DLG2: variants seen among roughly 807,000 people sequenced by gnomAD.
The protein encoded by DLG2 is discs large MAGUK scaffold protein 2.
A neutral mutation model predicts 132.5 loss-of-function variants in DLG2; 45 were observed. The observed-to-expected ratio is 0.34, with a 90% CI of 0.27 to 0.44. The LOEUF (loss-of-function observed/expected upper bound fraction) is 0.44, where lower values mean the gene tolerates loss of function less well. Among genes scored for constraint, DLG2 ranks in the 20% least tolerant of loss-of-function variants. The probability of loss-of-function intolerance (pLI) is 1.00; values close to 1 mark genes in which losing one functional copy is unlikely to be tolerated. For synonymous variants in DLG2, 424 were observed against 419.6 expected (o/e 1.01, Z -0.13); for missense variants, 1,045 against 1,196.9 (o/e 0.87, Z 1.87).
intron 16 of DLG2, among the ~76,000 whole-genome samples, chr11:83,857,182 G>T (rs978996418): frequency 6.6e-6 from 1 of 152,102 alleles, no homozygotes; most frequent in Non-Finnish European, 1.5e-5. Flanking sequence ...ATTGGTCTAT[G>T]TGTCTGTTTT....
rs746212831 is a variant in DLG2, at chr11:83,915,357, T to C, written c.1496+14971A>G. On this transcript the variant is annotated intron_variant, in intron 15 of 27. Transcript: ENST00000376104. ...TTAGTTTTATGTAATGGAATGATGA[T>C]TGTAGTGTAGCAAAAGCAAACAAAA... Among the ~76,000 whole-genome samples, 25 of 152,264 alleles carry C rather than the reference T, an allele frequency of 1.6e-4. No individual in the cohort carries two copies. The South Asian group carries it at 1.7e-3, about 10-fold the overall frequency.
intron 2 of DLG2, among the ~76,000 whole-genome samples, chr11:85,621,262 C>T (rs187751860): frequency 6.6e-6 from 1 of 151,710 alleles, no homozygotes; most frequent in East Asian, 1.9e-4. Flanking sequence ...TACTCATTGA[C>T]AATGCACCTA....
At chr11:84,640,077 G>A (rs2099654216) in intron 6 of DLG2, 1 of 309,642 alleles carries the variant, frequency 3.2e-6, no homozygotes, top group Admixed American at 3.8e-5. Context: ...TATTGTGAAG[G>A]GCCCCAGAGG....
intron 3 of DLG2, among the ~76,000 whole-genome samples, chr11:85,380,592 G>A (rs571216464): frequency 1.2e-4 from 18 of 152,288 alleles, no homozygotes; most frequent in South Asian, 6.2e-4. Context: ...CCTAGGAGGC[G>A]GAGGTTGCGG....
intron 3 of DLG2, among the ~76,000 whole-genome samples, chr11:85,595,773 TTTTAC>T (rs1486586292): frequency 1.3e-5 from 2 of 152,206 alleles, no homozygotes; most frequent in Non-Finnish European, 2.9e-5. Context: ...TTTTATATGA[TTTTAC>T]TTTATTTTCA....
intron 21 of DLG2, among the ~76,000 whole-genome samples, chr11:83,518,835 G>T (rs919678624): frequency 6.6e-6 from 1 of 152,060 alleles, no homozygotes; most frequent in East Asian, 1.9e-4. Context: ...GAGAATTAAC[G>T]ATAAATAAAT....
chr11:85,021,919 A>G (rs1174430642), intron 6 of DLG2, among the ~76,000 whole-genome samples: 1 of 152,192 alleles, frequency 6.6e-6, no homozygotes, highest in Admixed American at 6.6e-5. Context: ...AAAAATTAGT[A>G]TATATTAAAA....
chr11:84,489,629 C>G (rs181974437), intron 7 of DLG2, among the ~76,000 whole-genome samples: 177 of 152,152 alleles, frequency 1.2e-3, no homozygotes, highest in African/African-American at 4.2e-3. Context: ...CAAAGCAAAA[C>G]GCTGGCTCCA....
chr11:83,858,587 C>T (rs114323842), intron 16 of DLG2, among the ~76,000 whole-genome samples: 2,388 of 152,234 alleles, frequency 0.016, 19 homozygotes, highest in Middle Eastern at 0.11. Context: ...AGGAGGTGGA[C>T]ATTATAATAT....
chr11:83,965,941 T>G (rs2090086873), intron 12 of DLG2, among the ~76,000 whole-genome samples: 4 of 152,064 alleles, frequency 2.6e-5, no homozygotes, highest in Admixed American at 2.6e-4. Context: ...AGCAGCAATG[T>G]AGTTTAACAA....
At chr11:84,407,635 C>A (rs1029028877) in intron 7 of DLG2, among the ~76,000 whole-genome samples, 4 of 152,178 alleles carry the variant, frequency 2.6e-5, no homozygotes, top group Admixed American at 2.6e-4. Context: ...AGGGCCTTGA[C>A]AAATCACTGG....
intron 8 of DLG2, among the ~76,000 whole-genome samples, chr11:84,178,319 G>A (rs2096024441): frequency 1.3e-5 from 2 of 152,144 alleles, no homozygotes; most frequent in Admixed American, 6.6e-5. Flanking sequence ...GCTGTCTACA[G>A]TAGCCAGAAA....
At position 85,147,700 on chromosome 11, in the gene DLG2, T is replaced by C. The variant is rs1396911127; in HGVS notation, c.282+6856A>G. Among the ~76,000 whole-genome samples, 8 of 152,312 alleles carry C rather than the reference T, an allele frequency of 5.3e-5. No homozygotes were observed. In the East Asian group the frequency reaches 1.5e-3, roughly 29 times the overall value. On this transcript the variant is annotated intron_variant, in intron 5 of 27. Transcript: ENST00000376104. ...GAAAAACTGACTTACCCAAAGTTAT[T>C]TAACTACTGACTTGATGAACCAGTA...
intron 19 of DLG2, among the ~76,000 whole-genome samples, chr11:83,561,883 CTTTTTTTTT>C (rs66514406): frequency 1.1e-5 from 1 of 87,966 alleles, no homozygotes; most frequent in East Asian, 3.4e-4. Context: ...GTATTTCTTT[CTTTTTTTTT>C]TTTTTTTTTT....
At chr11:83,510,599 T>G (rs1181161840) in intron 21 of DLG2, among the ~76,000 whole-genome samples, 2 of 152,114 alleles carry the variant, frequency 1.3e-5, no homozygotes, top group African/African-American at 4.8e-5. Flanking sequence ...AGTTTGGTCA[T>G]GCAGTAGGAG....
chr11:84,893,226 AG>A (rs1303315643), intron 6 of DLG2, among the ~76,000 whole-genome samples: 3 of 152,106 alleles, frequency 2.0e-5, no homozygotes, highest in Admixed American at 1.3e-4. Context: ...TGTAGGATCA[AG>A]GGGATGTGCC....
chr11:84,557,056 C>T (rs530889516), intron 6 of DLG2, among the ~76,000 whole-genome samples: 5 of 152,190 alleles, frequency 3.3e-5, no homozygotes, highest in African/African-American at 1.2e-4. Flanking sequence ...CCCTGTTTTC[C>T]CCAATAGTCT....
chr11:83,930,417 ATAGTGCCTGG>A lies in DLG2; in HGVS notation c.1397_1406del (p.Pro466LeufsTer21). Reference sequence around the variant, plus strand: ...AGCTTTTGTCACACTCAACAGGGGAATAGTGCCTGGGAGAAGCAGGCTTATCACATAGTTT... The same window carrying A: ...AGCTTTTGTCACACTCAACAGGGGAAGAGAAGCAGGCTTATCACATAGTTT... On this transcript the variant is annotated frameshift_variant, in exon 15 of 28. Coordinates refer to ENST00000376104, the MANE Select transcript of DLG2 (RefSeq NM_001142699.3). LOFTEE classifies it high-confidence loss of function. The A allele has an allele frequency of 1.9e-5, 30 of 1,614,102 alleles. No homozygotes were observed. Among genetic ancestry groups the A allele is most frequent in the Non-Finnish European group, 2.5e-5 (30 of 1,179,968 alleles).
chr11:84,057,404 T>C (rs549250775), intron 11 of DLG2, among the ~76,000 whole-genome samples: 1 of 152,278 alleles, frequency 6.6e-6, no homozygotes, highest in South Asian at 2.1e-4. Context: ...ACATATAATA[T>C]ATATTTTTAA....
Sources: allele counts gnomAD v4.1 joint callset (sites outside exome capture counted in the v4.1 genomes callset), GRCh38; gene constraint gnomAD v4.1.1; transcripts MANE v1.5; gene names NCBI Gene and HGNC (gene_info 2026-07-23, HGNC 2026-07-21).